HIVEP3: variants seen among roughly 807,000 people sequenced by gnomAD.
HIVEP3 encodes the protein transcription factor HIVEP3.
A neutral mutation model predicts 152.8 loss-of-function variants in HIVEP3; 49 were observed. The ratio of observed to expected loss-of-function variants is 0.32; its 90% CI spans 0.26 to 0.41. The LOEUF (loss-of-function observed/expected upper bound fraction) is 0.41, where lower values mean the gene tolerates loss of function less well. Ranked by LOEUF, HIVEP3 falls within the 10% of genes least tolerant of loss-of-function variation. HIVEP3 has a pLI of 1.00. For missense variants in HIVEP3, 2,790 were observed against 3,103.3 expected, an observed-to-expected ratio of 0.90 and a Z score of 2.40; for synonymous variants, 1,269 against 1,289.0, an observed-to-expected ratio of 0.98 and a Z score of 0.33.
chr1:41,631,030 T>C (rs1645186542), intron 2 of HIVEP3, among the ~76,000 whole-genome samples: 1 of 152,212 alleles, frequency 6.6e-6, no homozygotes, highest in Non-Finnish European at 1.5e-5. Flanking sequence ...GTATTGGTTT[T>C]TAATAACTGA....
At chr1:41,950,075 G>T (rs1645097633) in intron 1 of HIVEP3, among the ~76,000 whole-genome samples, 10 of 152,080 alleles carry the variant, frequency 6.6e-5, no homozygotes. Context: ...TTTAAACACG[G>T]GGCTTGCAAC....
chr1:41,704,062 G>T (rs1174411489), intron 1 of HIVEP3, among the ~76,000 whole-genome samples: 2 of 152,140 alleles, frequency 1.3e-5, no homozygotes, highest in African/African-American at 4.8e-5. Context: ...TGTAAAATGG[G>T]AATACTCACA....
rs763712693 is a variant in HIVEP3, at chr1:41,876,901, A to T, written c.-801+41512T>A. Reference sequence around the variant, plus strand: ...ATTATCTGCTGTGCAGCCTGGAAACAGCAAAAGGAAAACTCAGCACGTTCT... The same window carrying T: ...ATTATCTGCTGTGCAGCCTGGAAACTGCAAAAGGAAAACTCAGCACGTTCT... On this transcript the variant is annotated intron_variant, in intron 1 of 8. Transcript: ENST00000372583. Among the ~76,000 whole-genome samples the T allele has an allele frequency of 1.6e-4, 25 of 152,188 alleles. 1 individual carries two copies. Among genetic ancestry groups the T allele is most frequent in the Admixed American group, 1.6e-3 (25 of 15,284 alleles).
rs55893767 is a variant in HIVEP3 at position 41,533,164 on chromosome 1, C to T, written c.5208-8254G>A. ...TCCTCTGCTCGTTGAAGGCCAGGAC[C>T]GAGGCTTGTCCAGCTTTGAGGTTCC... is the stretch of plus-strand genomic sequence containing the variant. On this transcript the variant is annotated intron_variant, in intron 5 of 8. Transcript: ENST00000372583. The surrounding 1 kb of genome is among the most constrained non-coding windows in gnomAD (Gnocchi z 4.3). Among the ~76,000 whole-genome samples, 4,108 of 152,168 alleles carry T rather than the reference C, an allele frequency of 0.027. 201 individuals carry two copies. Among genetic ancestry groups the T allele is most frequent in the African/African-American group, 0.095 (3,928 of 41,492 alleles).
intron 1 of HIVEP3, among the ~76,000 whole-genome samples, chr1:41,927,632 G>A (rs1644974619): frequency 6.6e-6 from 1 of 152,306 alleles, no homozygotes; most frequent in Middle Eastern, 3.4e-3. Context: ...GCTGAAAGCT[G>A]TGTAGCTAAA....
At chr1:41,805,464 T>C (rs1570575775) in intron 1 of HIVEP3, among the ~76,000 whole-genome samples, 1 of 152,184 alleles carries the variant, frequency 6.6e-6, no homozygotes, top group East Asian at 1.9e-4. Flanking sequence ...TTCCATGGAA[T>C]GAGGAAGGCA....
chr1:41,809,851 C>T (rs1255286758), intron 1 of HIVEP3, among the ~76,000 whole-genome samples: 2 of 152,170 alleles, frequency 1.3e-5, no homozygotes, highest in African/African-American at 2.4e-5. Context: ...AATAAATCTG[C>T]TGACATCACC....
chr1:41,587,565 A>G (rs989050125), intron 3 of HIVEP3, among the ~76,000 whole-genome samples: 1 of 152,254 alleles, frequency 6.6e-6, no homozygotes, highest in Non-Finnish European at 1.5e-5. Context: ...CCTTACGGCC[A>G]AAACTAGGCA....
intron 1 of HIVEP3, among the ~76,000 whole-genome samples, chr1:41,888,202 A>ATTTTTTT (rs61561436): frequency 4.5e-4 from 45 of 99,174 alleles, no homozygotes; most frequent in African/African-American, 9.6e-4. Flanking sequence ...CGCCCGGCTA[A>ATTTTTTT]TTTTTTTTTT....
chr1:41,991,676 C>G (rs1321544468), intron 1 of HIVEP3, among the ~76,000 whole-genome samples: 3 of 151,918 alleles, frequency 2.0e-5, no homozygotes. Flanking sequence ...GATACCAAAG[C>G]CTGGCGGAGA....
chr1:41,707,078 G>C (rs1336436923), intron 1 of HIVEP3, among the ~76,000 whole-genome samples: 1 of 152,208 alleles, frequency 6.6e-6, no homozygotes, highest in Non-Finnish European at 1.5e-5. Flanking sequence ...GACAGATAAA[G>C]GCAGGGTACT....
intron 1 of HIVEP3, among the ~76,000 whole-genome samples, chr1:41,884,033 T>A (rs1384444082): frequency 6.6e-6 from 1 of 152,224 alleles, no homozygotes; most frequent in Non-Finnish European, 1.5e-5. Flanking sequence ...TGGCGAAATC[T>A]TGGCTCACTG....
chr1:41,935,147 A>G (rs1645013617), intron 1 of HIVEP3, among the ~76,000 whole-genome samples: 1 of 152,186 alleles, frequency 6.6e-6, no homozygotes, highest in Non-Finnish European at 1.5e-5. Context: ...CAATTTAGTG[A>G]CCACTCACTA....
intron 5 of HIVEP3, among the ~76,000 whole-genome samples, chr1:41,574,086 C>T (rs536274225): frequency 6.6e-5 from 10 of 152,216 alleles, no homozygotes; most frequent in Admixed American, 1.3e-4. Context: ...CGAACCTCCC[C>T]GGGCACACAC....
At chr1:41,866,578 G>A (rs1413402100) in intron 1 of HIVEP3, among the ~76,000 whole-genome samples, 5 of 152,208 alleles carry the variant, frequency 3.3e-5, no homozygotes, top group Non-Finnish European at 1.5e-5. Flanking sequence ...AGGAGCAGAA[G>A]GTCAGGTTGG....
At chr1:41,707,572 A>C (rs1471198492) in intron 1 of HIVEP3, among the ~76,000 whole-genome samples, 2 of 152,156 alleles carry the variant, frequency 1.3e-5, no homozygotes, top group Non-Finnish European at 2.9e-5. Flanking sequence ...GTGTGAACCA[A>C]GGTTTTTGAT....
intron 3 of HIVEP3, among the ~76,000 whole-genome samples, chr1:41,589,658 T>G (rs1418889677): frequency 6.6e-6 from 1 of 152,218 alleles, no homozygotes; most frequent in East Asian, 1.9e-4. Context: ...AGCTTGAATC[T>G]GCCTTGGGCT....
At position 41,664,524 on chromosome 1, in the gene HIVEP3, T is replaced by C. The variant is rs536395081; in HGVS notation, c.-720-35577A>G. Among the ~76,000 whole-genome samples the C allele has an allele frequency of 7.2e-5, 11 of 152,346 alleles. No homozygotes were observed. The South Asian group carries it at 1.5e-3, about 20-fold the overall frequency. On this transcript the variant is annotated intron_variant, in intron 2 of 8. Coordinates refer to ENST00000372583, the MANE Select transcript of HIVEP3 (RefSeq NM_024503.5). The surrounding 1 kb of genome is among the most constrained non-coding windows in gnomAD (Gnocchi z 4.4). ...CATCACCTCACATTGAAGTCAGTTATTGGGGGCCTCCTCTTCCTCAGACTG... is the reference window on the plus strand; with the variant it reads ...CATCACCTCACATTGAAGTCAGTTACTGGGGGCCTCCTCTTCCTCAGACTG...
In HIVEP3 at chr1:41,786,222, T is replaced by C. The variant is rs143930853; in HGVS notation, c.-800-85227A>G. On this transcript the variant is annotated intron_variant, in intron 1 of 8. Transcript: ENST00000372583. ...AATGGGAACATTAATGATACTTGCA[T>C]CCACCCTAATACAGGCTTGTTGACG... Among the ~76,000 whole-genome samples, 420 of 152,330 alleles carry C rather than the reference T, an allele frequency of 2.8e-3. 2 individuals are homozygous for C. The highest frequency in any genetic ancestry group is 4.5e-3 in the Non-Finnish European group (303 of 68,024).
Sources: gnomAD v4.1 joint callset for allele counts (sites outside exome capture counted in the v4.1 genomes callset) on GRCh38, gnomAD v4.1.1 for gene constraint, Gnocchi (gnomAD v3.1) non-coding constraint, MANE v1.5 for transcripts, NCBI Gene and HGNC (gene_info 2026-07-23, HGNC 2026-07-21) for gene names.